PKNOX2: variants seen among roughly 807,000 people sequenced by gnomAD.
PKNOX2 encodes PBX/knotted 1 homeobox 2.
Under a neutral mutation model 53.1 loss-of-function variants are expected in PKNOX2, and 14 were observed. That is an observed-to-expected ratio of 0.26 (90% CI 0.17 to 0.41). The LOEUF (loss-of-function observed/expected upper bound fraction) is 0.41, where lower values mean the gene tolerates loss of function less well. Ranked by LOEUF, PKNOX2 falls within the 10% of genes least tolerant of loss-of-function variation. PKNOX2 has a pLI of 1.00. For missense variants in PKNOX2, 496 were observed against 602.8 expected, an observed-to-expected ratio of 0.82 and a Z score of 1.85; for synonymous variants, 257 against 242.8, an observed-to-expected ratio of 1.06 and a Z score of -0.54.
At chr11:125,319,893 C>A (rs947123170) in intron 2 of PKNOX2, among the ~76,000 whole-genome samples, 2 of 152,090 alleles carry the variant, frequency 1.3e-5, no homozygotes, top group African/African-American at 2.4e-5. Context: ...AAACAGCAAG[C>A]TAGATGAGGC....
chr11:125,272,959 G>T (rs1945907638), intron 2 of PKNOX2, among the ~76,000 whole-genome samples: 1 of 152,238 alleles, frequency 6.6e-6, no homozygotes, highest in African/African-American at 2.4e-5. Context: ...AGGGGAGGCA[G>T]CCAAAGCCCC....
chr11:125,414,349 G>C (rs893770877), intron 10 of PKNOX2, among the ~76,000 whole-genome samples: 7 of 152,148 alleles, frequency 4.6e-5, no homozygotes, highest in African/African-American at 7.2e-5. Flanking sequence ...CCTGGCAGTG[G>C]GCACAGGTGC....
chr11:125,367,866 A>G lies in PKNOX2; in HGVS notation c.108A>G (p.Pro36=). Residue 36 remains proline, a synonymous_variant, in exon 5 of 13, where the codon CCA becomes CCG. Coordinates refer to ENST00000298282, the MANE Select transcript of PKNOX2 (RefSeq NM_001382323.2). ...TGCAGATGACGGCAACCGCCCAGCC[A>G]CCCTCCAAGGCCCAGGCTGTCCACA... ...DSPQMTATAQ[P]PSKAQAVHIS... The G allele has an allele frequency of 6.2e-6, 10 of 1,612,022 alleles. No individual in the cohort carries two copies. The highest frequency in any genetic ancestry group is 1.8e-4 in the Middle Eastern group (1 of 5,476).
At chr11:125,322,636 T>G (rs764093613) in intron 2 of PKNOX2, among the ~76,000 whole-genome samples, 1 of 152,166 alleles carries the variant, frequency 6.6e-6, no homozygotes, top group Non-Finnish European at 1.5e-5. Context: ...ACACCCTCAC[T>G]GCTGAATCAC....
chr11:125,257,290 G>T (rs1305428313), intron 2 of PKNOX2, among the ~76,000 whole-genome samples: 1 of 152,138 alleles, frequency 6.6e-6, no homozygotes, highest in Non-Finnish European at 1.5e-5. Flanking sequence ...GTCGGAGGTA[G>T]GGGAGAGGGG....
At chr11:125,266,865 A>T (rs1259564457) in intron 2 of PKNOX2, 1 of 152,292 alleles carries the variant, frequency 6.6e-6, no homozygotes, top group Non-Finnish European at 1.5e-5. Context: ...GAAATGAGGA[A>T]AGAACAGGGG....
intron 2 of PKNOX2, among the ~76,000 whole-genome samples, chr11:125,289,610 C>G (rs1180000019): frequency 1.3e-5 from 2 of 152,112 alleles, no homozygotes; most frequent in African/African-American, 2.4e-5. Flanking sequence ...CAGATTTGAC[C>G]AAACAATTGC....
At chr11:125,220,420 G>C (rs1941008870) in intron 1 of PKNOX2, among the ~76,000 whole-genome samples, 1 of 152,216 alleles carries the variant, frequency 6.6e-6, no homozygotes, top group African/African-American at 2.4e-5. Context: ...GAGACAGAAG[G>C]GATAGATTTG....
At chr11:125,183,198 CTTTTTTT>C (rs10676031) in intron 1 of PKNOX2, among the ~76,000 whole-genome samples, 4 of 85,856 alleles carry the variant, frequency 4.7e-5, no homozygotes, top group African/African-American at 2.4e-4. Context: ...GCGATGAATC[CTTTTTTT>C]TTTTTTTTTT....
intron 2 of PKNOX2, among the ~76,000 whole-genome samples, chr11:125,303,383 ACTGGGCCCAGTCTCCAAGCTTCTGGT>A (rs1948207327): frequency 6.6e-6 from 1 of 152,056 alleles, no homozygotes; most frequent in Non-Finnish European, 1.5e-5. Flanking sequence ...CAGAGCCAGC[ACTGGGCCCAGTCTCCAAGCTTCTGGT>A]CACAGCCCCA....
rs563678269 is a variant in PKNOX2, at chr11:125,342,524, C to T, written c.-22-8760C>T. Among the ~76,000 whole-genome samples the T allele has an allele frequency of 3.9e-5, 6 of 152,306 alleles. No individual in the cohort carries two copies. The South Asian group carries it at 1.2e-3, about 32-fold the overall frequency. On this transcript the variant is annotated intron_variant, in intron 3 of 12. Transcript: ENST00000298282. ...AGCCCGAGAGGGCTGCCGGAGGTGG[C>T]TCTGCGCTTTTCCACCTGGGATCCC...
chr11:125,234,964 G>C (rs1942544166), intron 1 of PKNOX2, 81 bp from the exon 2 acceptor site: 1 of 152,662 alleles, frequency 6.6e-6, no homozygotes, highest in Non-Finnish European at 1.5e-5. Context: ...ACCCACCTCT[G>C]GGTTTACCCC....
At chr11:125,375,834 T>G (rs1451121264) in intron 5 of PKNOX2, among the ~76,000 whole-genome samples, 1 of 152,176 alleles carries the variant, frequency 6.6e-6, no homozygotes, top group Non-Finnish European at 1.5e-5. Flanking sequence ...AGGACACTTG[T>G]CTTTTCTCTT....
At chr11:125,420,270 T>A (rs201335493) in intron 10 of PKNOX2, among the ~76,000 whole-genome samples, 2 of 149,600 alleles carry the variant, frequency 1.3e-5, no homozygotes, top group African/African-American at 4.9e-5. Context: ...GCTCACGCCT[T>A]TAATCCCAGC....
At position 125,250,255 on chromosome 11, in the gene PKNOX2, A is replaced by G. The variant is rs577260076; in HGVS notation, c.-130+15140A>G. 2.1e-3 allele frequency among the ~76,000 whole-genome samples: 315 copies of G among 152,132 alleles called. 2 individuals carry two copies. The highest frequency in any genetic ancestry group is 3.3e-3 in the Non-Finnish European group (224 of 67,992). ...TGAGGTCCTTCACCTCAAGTTACGT[A>G]TATTTCTTTTTTTCAAAAACAAACA... On this transcript the variant is annotated intron_variant, in intron 2 of 12. Coordinates refer to ENST00000298282, the MANE Select transcript of PKNOX2 (RefSeq NM_001382323.2).
intron 1 of PKNOX2, among the ~76,000 whole-genome samples, chr11:125,174,288 A>G (rs1025643235): frequency 6.6e-6 from 1 of 152,120 alleles, no homozygotes; most frequent in African/African-American, 2.4e-5. Flanking sequence ...TGAACCCACT[A>G]TTTAATTAGT....
chr11:125,222,645 G>A lies in PKNOX2; in HGVS notation c.-200-12400G>A, dbSNP rs968805945. On this transcript the variant is annotated intron_variant, in intron 1 of 12. Transcript: ENST00000298282. ...TGTATGTGTGTGTGTATGTGTGTGC[G>A]TATGTGTGTGCTGTGTATGTGTGTG... Among the ~76,000 whole-genome samples, 8 of 141,086 alleles carry A rather than the reference G, an allele frequency of 5.7e-5. No homozygotes were observed. The East Asian group carries it at 6.0e-4, about 11-fold the overall frequency. 92.6% of individuals were successfully genotyped at this position (141,086 alleles called of 152,430 possible).
intron 2 of PKNOX2, among the ~76,000 whole-genome samples, chr11:125,243,650 TCTCG>T (rs1043710294): frequency 6.8e-6 from 1 of 147,582 alleles, no homozygotes; most frequent in African/African-American, 2.5e-5. Flanking sequence ...TGAGATAGGG[TCTCG>T]CTCTGTCGCC....
At chr11:125,170,121 T>C (rs1955169899) in intron 1 of PKNOX2, among the ~76,000 whole-genome samples, 1 of 152,190 alleles carries the variant, frequency 6.6e-6, no homozygotes, top group South Asian at 2.1e-4. Context: ...AGCCACGGCC[T>C]GAACCTCTCT....
Sources: gnomAD v4.1 joint callset for allele counts (sites outside exome capture counted in the v4.1 genomes callset) on GRCh38, gnomAD v4.1.1 for gene constraint, MANE v1.5 for transcripts, NCBI Gene and HGNC (gene_info 2026-07-23, HGNC 2026-07-21) for gene names.